The following UBE3D variants were observed in gnomAD, a reference collection of about 807,000 sequenced individuals.
UBE3D encodes the protein ubiquitin protein ligase E3D.
In UBE3D, 48 loss-of-function variants were observed where a neutral mutation model predicts 49.6. The ratio of observed to expected loss-of-function variants is 0.97; its 90% CI spans 0.77 to 1.23. The LOEUF is 1.23. Ranked by LOEUF, UBE3D falls within the 50% of genes most tolerant of loss-of-function variation. UBE3D has a pLI of 0.00. For synonymous variants in UBE3D, 189 were observed against 174.2 expected, an observed-to-expected ratio of 1.08 and a Z score of -0.67; for missense variants, 452 against 468.4, an observed-to-expected ratio of 0.96 and a Z score of 0.32.
At chr6:82,929,747 T>C (rs1259995658) in intron 9 of UBE3D, among the ~76,000 whole-genome samples, 1 of 152,192 alleles carries the variant, frequency 6.6e-6, no homozygotes, top group Non-Finnish European at 1.5e-5. Flanking sequence ...AATAGACTGT[T>C]TTTTTAAAGT....
At chr6:83,034,486 G>A (rs1782099797) in intron 5 of UBE3D, among the ~76,000 whole-genome samples, 3 of 152,016 alleles carry the variant, frequency 2.0e-5, no homozygotes, top group African/African-American at 7.2e-5. Flanking sequence ...GTTTGGCTCT[G>A]TGTCCCCACC....
At chr6:83,051,986 T>C (rs896419887) in intron 3 of UBE3D, among the ~76,000 whole-genome samples, 1 of 152,208 alleles carries the variant, frequency 6.6e-6, no homozygotes, top group South Asian at 2.1e-4. Context: ...ATTGAGAGCA[T>C]ACTATTTATG....
chr6:83,020,465 T>C lies in UBE3D; in HGVS notation c.847-1329A>G, dbSNP rs534314637. ...CTGTTAATACTGATTGCTCCCTGAA[T>C]AGTATGATATAGCAAGGCAGGAAAG... On this transcript the variant is annotated intron_variant, in intron 7 of 9. Transcript: ENST00000369747. Among the ~76,000 whole-genome samples, 48 of 151,992 alleles carry C rather than the reference T, an allele frequency of 3.2e-4. 2 individuals are homozygous for C. In the Middle Eastern group the frequency reaches 0.014, roughly 43 times the overall value.
intron 5 of UBE3D, among the ~76,000 whole-genome samples, chr6:83,031,588 T>C (rs1056276294): frequency 3.3e-5 from 5 of 152,180 alleles, no homozygotes. Flanking sequence ...GATTTCGGAC[T>C]TCCATGGGGC....
At chr6:82,962,738 C>T (rs1189592889) in intron 8 of UBE3D, among the ~76,000 whole-genome samples, 1 of 152,150 alleles carries the variant, frequency 6.6e-6, no homozygotes, top group Non-Finnish European at 1.5e-5. Context: ...CAAGCATGAT[C>T]TTTACCATCT....
intron 8 of UBE3D, among the ~76,000 whole-genome samples, chr6:82,957,723 TG>T (rs1361479597): frequency 3.9e-5 from 6 of 152,256 alleles, no homozygotes; most frequent in South Asian, 4.2e-4. Context: ...TGGGACCTGC[TG>T]GGGGAAGGGG....
At chr6:82,913,057 G>A (rs1386382813) in intron 9 of UBE3D, among the ~76,000 whole-genome samples, 2 of 152,188 alleles carry the variant, frequency 1.3e-5, no homozygotes, top group Admixed American at 6.5e-5. Context: ...CAGTGGCTAT[G>A]CAATCCAGTG....
Position 82,940,707 on chromosome 6 carries a change from G to A in UBE3D, c.1149+16605C>T, listed in dbSNP as rs924691304. On this transcript the variant is annotated intron_variant, in intron 9 of 9. Transcript: ENST00000369747. ...CCCTACCCACTCTCAGTTAATAACAGGACCCTGAGACCCTCATATATAATG... is the reference window on the plus strand; with the variant it reads ...CCCTACCCACTCTCAGTTAATAACAAGACCCTGAGACCCTCATATATAATG... Among the ~76,000 whole-genome samples, 8 of 152,168 alleles carry A rather than the reference G, an allele frequency of 5.3e-5. No individual in the cohort carries two copies. The South Asian group carries it at 6.2e-4, about 12-fold the overall frequency.
intron 9 of UBE3D, among the ~76,000 whole-genome samples, chr6:82,896,308 G>A (rs896008967): frequency 6.6e-6 from 1 of 152,116 alleles, no homozygotes; most frequent in Non-Finnish European, 1.5e-5. Context: ...ATTCCCCAAA[G>A]TAAAAGTTTT....
At chr6:83,049,982 C>T (rs1314712348) in intron 3 of UBE3D, among the ~76,000 whole-genome samples, 12 of 152,074 alleles carry the variant, frequency 7.9e-5, no homozygotes, top group Non-Finnish European at 1.5e-5. Context: ...TACATACATT[C>T]ACACAAATTT....
intron 8 of UBE3D, among the ~76,000 whole-genome samples, chr6:83,003,107 A>G (rs1779743718): frequency 6.6e-6 from 1 of 152,162 alleles, no homozygotes; most frequent in South Asian, 2.1e-4. Flanking sequence ...AAAAAAGAAA[A>G]ACTTAGACCT....
At chr6:82,970,903 C>A (rs1005634189) in intron 8 of UBE3D, among the ~76,000 whole-genome samples, 1 of 152,056 alleles carries the variant, frequency 6.6e-6, no homozygotes, top group African/African-American at 2.4e-5. Context: ...CTCTCCTCAA[C>A]AACATTCATT....
At chr6:82,936,680 G>A (rs2127750485) in intron 9 of UBE3D, among the ~76,000 whole-genome samples, 1 of 152,244 alleles carries the variant, frequency 6.6e-6, no homozygotes, top group South Asian at 2.1e-4. Flanking sequence ...GCCAACTGTT[G>A]ATGCTAATTG....
intron 9 of UBE3D, among the ~76,000 whole-genome samples, chr6:82,942,580 T>C (rs1014495060): frequency 7.2e-5 from 11 of 152,188 alleles, no homozygotes; most frequent in African/African-American, 2.2e-4. Context: ...AGCCACTGCC[T>C]ATTCAGCTCC....
intron 5 of UBE3D, among the ~76,000 whole-genome samples, chr6:83,033,689 C>A (rs540579923): frequency 6.6e-6 from 1 of 152,280 alleles, no homozygotes; most frequent in Non-Finnish European, 1.5e-5. Context: ...TAAGGCCTCC[C>A]CCAAACCAGA....
At chr6:82,913,851 T>A (rs540127568) in intron 9 of UBE3D, among the ~76,000 whole-genome samples, 7 of 152,184 alleles carry the variant, frequency 4.6e-5, no homozygotes, top group Non-Finnish European at 8.8e-5. Context: ...AACTACAACA[T>A]TCACATCTAG....
chr6:82,938,979 C>T (rs748384420), intron 9 of UBE3D, among the ~76,000 whole-genome samples: 3 of 151,692 alleles, frequency 2.0e-5, no homozygotes, highest in Admixed American at 6.6e-5. Context: ...CTCAGCAGTT[C>T]GAGGCTGCAG....
At chr6:83,008,880 C>A (rs939599700) in intron 8 of UBE3D, among the ~76,000 whole-genome samples, 1 of 152,056 alleles carries the variant, frequency 6.6e-6, no homozygotes, top group Non-Finnish European at 1.5e-5. Flanking sequence ...CAAACAACAG[C>A]AGGAGGAAAA....
chr6:82,928,692 C>T (rs1773927107), intron 9 of UBE3D, among the ~76,000 whole-genome samples: 1 of 152,090 alleles, frequency 6.6e-6, no homozygotes, highest in Non-Finnish European at 1.5e-5. Flanking sequence ...TCTCATTATA[C>T]TTCCAATTAT....
Sources: gnomAD v4.1 joint callset for allele counts (sites outside exome capture counted in the v4.1 genomes callset) on GRCh38, gnomAD v4.1.1 for gene constraint, MANE v1.5 for transcripts, NCBI Gene and HGNC (gene_info 2026-07-23, HGNC 2026-07-21) for gene names.